CHODL: variants seen among roughly 807,000 people sequenced by gnomAD.
CHODL encodes the protein transmembrane protein MT75.
In CHODL, 29 loss-of-function variants were observed where a neutral mutation model predicts 34.5. The ratio of observed to expected loss-of-function variants is 0.84; its 90% CI spans 0.63 to 1.15. The LOEUF (loss-of-function observed/expected upper bound fraction) is 1.15. Among genes scored for constraint, CHODL ranks in the 50% most tolerant of loss-of-function variants. CHODL has a pLI of 0.00. For missense variants in CHODL, 332 were observed against 332.5 expected, an observed-to-expected ratio of 1.00 and a Z score of 0.01; for synonymous variants, 125 against 116.1, an observed-to-expected ratio of 1.08 and a Z score of -0.49.
rs1031102101 is a variant in CHODL, at chr21:17,990,509, A to G, written c.-144-37363A>G. On this transcript the variant is annotated intron_variant, in intron 1 of 6. Coordinates refer to the CHODL transcript ENST00000400127. ...TTAGAATATTTGGTTACATTGTTAT[A>G]CTATATATACTAACATTTCCACTAC... Among the ~76,000 whole-genome samples, 11 of 152,146 alleles carry G rather than the reference A, an allele frequency of 7.2e-5. No homozygotes were observed. In the South Asian group the frequency reaches 1.2e-3, roughly 17 times the overall value.
chr21:18,216,396 T>G (rs2146731063), intron 2 of CHODL, among the ~76,000 whole-genome samples: 1 of 152,202 alleles, frequency 6.6e-6, no homozygotes, highest in East Asian at 1.9e-4. Context: ...TCTAACTGTG[T>G]TTTTGTACCC....
intron 2 of CHODL, among the ~76,000 whole-genome samples, chr21:18,128,268 T>A (rs1244696304): frequency 9.0e-6 from 1 of 110,596 alleles, no homozygotes. Context: ...GCCACTGCAC[T>A]CCAGCCTGGG....
chr21:18,088,767 A>G (rs2065037773), intron 2 of CHODL, among the ~76,000 whole-genome samples: 1 of 152,240 alleles, frequency 6.6e-6, no homozygotes. Flanking sequence ...GAGGAGGCAC[A>G]TACTACCTGC....
At chr21:18,019,872 A>G (rs2064111589) in intron 1 of CHODL, among the ~76,000 whole-genome samples, 2 of 152,126 alleles carry the variant, frequency 1.3e-5, no homozygotes. Context: ...GAAAAGCAAT[A>G]GAGCAGGGAG....
At position 18,186,559 on chromosome 21, in the gene CHODL, G is replaced by A. The variant is rs543552735; in HGVS notation, c.-44-69950G>A. Among the ~76,000 whole-genome samples the A allele has an allele frequency of 7.9e-5, 12 of 152,222 alleles. 1 individual carries two copies. In the South Asian group the frequency reaches 2.3e-3, roughly 29 times the overall value. On this transcript the variant is annotated intron_variant, in intron 2 of 6. Coordinates refer to the CHODL transcript ENST00000400127. ...GGCTGCTTGCATAGGATATGGAGGGGCAAAATACCACTGATTCTTTGTCTC... is the reference window on the plus strand; with the variant it reads ...GGCTGCTTGCATAGGATATGGAGGGACAAAATACCACTGATTCTTTGTCTC...
intron 2 of CHODL, among the ~76,000 whole-genome samples, chr21:18,106,316 AC>A (rs2065271093): frequency 6.6e-6 from 1 of 152,112 alleles, no homozygotes; most frequent in African/African-American, 2.4e-5. Context: ...TGAGGATGGA[AC>A]CTGTGAAAAC....
chr21:18,094,356 C>T (rs1265920778), intron 2 of CHODL, among the ~76,000 whole-genome samples: 1 of 152,158 alleles, frequency 6.6e-6, no homozygotes, highest in Non-Finnish European at 1.5e-5. Context: ...CACTATAGAA[C>T]AAATTGGCCT....
chr21:18,207,584 G>A (rs2073726008), intron 2 of CHODL, among the ~76,000 whole-genome samples: 1 of 145,038 alleles, frequency 6.9e-6, no homozygotes, highest in South Asian at 2.2e-4. Flanking sequence ...GCTCATTAAT[G>A]TCATTTTCTC....
intron 2 of CHODL, among the ~76,000 whole-genome samples, chr21:18,098,707 A>C (rs981173882): frequency 6.6e-5 from 10 of 152,174 alleles, no homozygotes; most frequent in Non-Finnish European, 1.0e-4. Context: ...CATATAATCC[A>C]GCAATCCCAC....
At chr21:17,949,244 A>G (rs747192053) in intron 1 of CHODL, among the ~76,000 whole-genome samples, 2 of 152,190 alleles carry the variant, frequency 1.3e-5, no homozygotes, top group Non-Finnish European at 2.9e-5. Context: ...GTAATGTTGG[A>G]TAATACATCA....
chr21:18,234,523 C>T (rs901160988), intron 2 of CHODL, among the ~76,000 whole-genome samples: 1 of 151,986 alleles, frequency 6.6e-6, no homozygotes, highest in African/African-American at 2.4e-5. Flanking sequence ...ATGGGTAACT[C>T]ATGAAAGAAA....
intron 2 of CHODL, among the ~76,000 whole-genome samples, chr21:18,222,873 G>A (rs2073897776): frequency 1.3e-5 from 2 of 152,126 alleles, no homozygotes; most frequent in Admixed American, 1.3e-4. Context: ...AATTTTGAAT[G>A]CAATAAGTCA....
intron 2 of CHODL, among the ~76,000 whole-genome samples, chr21:18,169,686 GTTTAGGTTTTTGAT>G (rs1398305638): frequency 2.0e-5 from 3 of 151,856 alleles, no homozygotes; most frequent in Admixed American, 2.0e-4. Flanking sequence ...AAACGGATAA[GTTTAGGTTTTTGAT>G]TTTAGGTTTT....
intron 2 of CHODL, among the ~76,000 whole-genome samples, chr21:18,220,684 C>T (rs1361446460): frequency 6.6e-6 from 1 of 150,702 alleles, no homozygotes; most frequent in East Asian, 1.9e-4. Context: ...ATATAGTATT[C>T]TTGGCTCACA....
At chr21:18,159,414 T>C (rs78534702) in intron 2 of CHODL, among the ~76,000 whole-genome samples, 74 of 152,284 alleles carry the variant, frequency 4.9e-4, no homozygotes, top group African/African-American at 1.7e-3. Flanking sequence ...TGTTTGAGAT[T>C]TTTTTTTCTA....
At chr21:18,254,500 C>T (rs2074293506) in intron 1 of CHODL, among the ~76,000 whole-genome samples, 1 of 151,982 alleles carries the variant, frequency 6.6e-6, no homozygotes, top group Non-Finnish European at 1.5e-5. Context: ...AAGTTGACAG[C>T]AGAGAGCAGA....
At chr21:18,165,553 A>G (rs2146649750) in intron 2 of CHODL, among the ~76,000 whole-genome samples, 1 of 152,246 alleles carries the variant, frequency 6.6e-6, no homozygotes, top group Admixed American at 6.5e-5. Flanking sequence ...TCAGGGCAGC[A>G]GGGATGGCTA....
intron 2 of CHODL, among the ~76,000 whole-genome samples, chr21:18,079,608 C>CAT (rs765753074): frequency 1.9e-3 from 284 of 150,682 alleles, no homozygotes; most frequent in Non-Finnish European, 3.1e-3. Flanking sequence ...TATATAATCA[C>CAT]ATATATATAC....
intron 1 of CHODL, among the ~76,000 whole-genome samples, chr21:18,003,059 G>GA (rs1454033576): frequency 6.6e-6 from 1 of 151,036 alleles, no homozygotes; most frequent in African/African-American, 2.4e-5. Flanking sequence ...GGGGGGCGGA[G>GA]TGTGCAGTGA....
Sources: gnomAD v4.1 joint callset for allele counts (sites outside exome capture counted in the v4.1 genomes callset) on GRCh38, gnomAD v4.1.1 for gene constraint, MANE v1.5 for transcripts, NCBI Gene and HGNC (gene_info 2026-07-23, HGNC 2026-07-21) for gene names.